Variants in CDH20 observed in about 807,000 individuals in gnomAD.
CDH20 encodes the protein cadherin-20.
In CDH20, 29 loss-of-function variants were observed where a neutral mutation model predicts 74.2. The observed-to-expected ratio is 0.39, with a 90% confidence interval of 0.29 to 0.53. The LOEUF is 0.53. Among genes scored for constraint, CDH20 ranks in the 20% least tolerant of loss-of-function variants. The probability of loss-of-function intolerance (pLI) is 0.69; values close to 1 mark genes in which losing one functional copy is unlikely to be tolerated. For synonymous variants in CDH20, 469 were observed against 405.4 expected (o/e 1.16, Z -1.88); for missense variants, 988 against 1,048.3 (o/e 0.94, Z 0.79).
intron 1 of CDH20, among the ~76,000 whole-genome samples, chr18:61,425,756 G>A (rs1913048845): frequency 6.6e-6 from 1 of 152,094 alleles, no homozygotes; most frequent in Non-Finnish European, 1.5e-5. Context: ...AGCATATACT[G>A]CTCAGATGAC....
chr18:61,352,101 T>C (rs1910324765), intron 1 of CDH20, among the ~76,000 whole-genome samples: 1 of 152,208 alleles, frequency 6.6e-6, no homozygotes, highest in African/African-American at 2.4e-5. Context: ...ATAATCACTG[T>C]GCAAAACTCA....
Position 61,554,765 on chromosome 18 carries a change from G to C in CDH20, c.*70G>C. 1 of 1,475,734 alleles carries C rather than the reference G, an allele frequency of 6.8e-7. No homozygotes were observed. The allele number at this position is 1,475,734 out of a possible 1,614,324, so 91.4% of individuals were successfully genotyped here. The stretch of plus-strand genomic sequence containing the variant: ...GCGGGTGCTTCGCGGACAAGGTGCA[G>C]CCAACCACACGAGCAATACTGTGCT... On this transcript the variant is annotated 3_prime_UTR_variant, in exon 12 of 12. Coordinates refer to ENST00000262717, the MANE Select transcript of CDH20 (RefSeq NM_031891.4).
intron 1 of CDH20, among the ~76,000 whole-genome samples, chr18:61,381,467 C>T (rs2159594): frequency 1.3e-5 from 2 of 151,932 alleles, no homozygotes; most frequent in Admixed American, 6.5e-5. Context: ...CAAAGTTATG[C>T]GACCTCAGGG....
At chr18:61,418,277 G>A (rs551503774) in intron 1 of CDH20, among the ~76,000 whole-genome samples, 2 of 152,162 alleles carry the variant, frequency 1.3e-5, no homozygotes, top group Non-Finnish European at 1.5e-5. Flanking sequence ...CATCCTGGCC[G>A]GGCGTGGTGG....
At chr18:61,346,289 G>C (rs1390387) in intron 1 of CDH20, among the ~76,000 whole-genome samples, 147,867 of 152,294 alleles carry the variant, frequency 0.97, 71,930 homozygotes, top group Middle Eastern at 1. Flanking sequence ...ACTTCCTTCC[G>C]CACCTTGACC....
chr18:61,513,567 G>A (rs1333531098), intron 6 of CDH20, among the ~76,000 whole-genome samples: 2 of 150,694 alleles, frequency 1.3e-5, no homozygotes, highest in African/African-American at 2.4e-5. Flanking sequence ...TATTTTGCTC[G>A]TTAGTTGATG....
At chr18:61,426,759 C>T (rs1913083991) in intron 1 of CDH20, among the ~76,000 whole-genome samples, 1 of 152,190 alleles carries the variant, frequency 6.6e-6, no homozygotes, top group Non-Finnish European at 1.5e-5. Flanking sequence ...TAAACATTTG[C>T]AGTCACTGCT....
chr18:61,472,062 C>T (rs1910200229), intron 1 of CDH20, among the ~76,000 whole-genome samples: 2 of 152,060 alleles, frequency 1.3e-5, no homozygotes, highest in Admixed American at 1.3e-4. Flanking sequence ...TGTTTGATTC[C>T]GTTAAGAAAT....
In CDH20 at chr18:61,353,347, A is replaced by G. The variant is rs1910372569; in HGVS notation, c.-153+19520A>G. 6.6e-6 allele frequency among the ~76,000 whole-genome samples: 1 copy of G among 152,038 alleles called. No individual in the cohort carries two copies. Among genetic ancestry groups the G allele is most frequent in the Non-Finnish European group, 1.5e-5 (1 of 68,002 alleles). ...TCTACATGCTGTTCTCAATCTCTCT[A>G]CATCTGACTACTCATCAAGGCTCAC... is the stretch of plus-strand genomic sequence containing the variant. On this transcript the variant is annotated intron_variant, in intron 1 of 11. Coordinates refer to ENST00000262717, the MANE Select transcript of CDH20 (RefSeq NM_031891.4). The surrounding 1 kb of genome is among the most constrained non-coding windows in gnomAD (Gnocchi z 4.6).
At chr18:61,406,277 T>C (rs1568127267) in intron 1 of CDH20, among the ~76,000 whole-genome samples, 1 of 152,242 alleles carries the variant, frequency 6.6e-6, no homozygotes, top group Non-Finnish European at 1.5e-5. Flanking sequence ...AACTTGTTTG[T>C]TGAGACTTCC....
intron 1 of CDH20, among the ~76,000 whole-genome samples, chr18:61,369,505 G>A (rs1464327365): frequency 2.6e-5 from 4 of 152,108 alleles, no homozygotes; most frequent in Non-Finnish European, 5.9e-5. Context: ...TAAAAGAGGT[G>A]TATATTCCAT....
At chr18:61,338,044 T>C (rs1909815124) in intron 1 of CDH20, among the ~76,000 whole-genome samples, 1 of 152,208 alleles carries the variant, frequency 6.6e-6, no homozygotes, top group Non-Finnish European at 1.5e-5. Flanking sequence ...TTCTCCAAAA[T>C]ATTGTCTGTT....
chr18:61,539,557 A>G (rs1433358479), intron 9 of CDH20, among the ~76,000 whole-genome samples: 1 of 152,206 alleles, frequency 6.6e-6, no homozygotes, highest in East Asian at 1.9e-4. Context: ...GTCCACCTGG[A>G]AACTGAATTG....
chr18:61,519,876 C>T (rs1912130611), intron 6 of CDH20, among the ~76,000 whole-genome samples: 1 of 148,354 alleles, frequency 6.7e-6, no homozygotes, highest in African/African-American at 2.5e-5. Context: ...TCAGGAGACA[C>T]ATCTAACATG....
intron 1 of CDH20, among the ~76,000 whole-genome samples, chr18:61,399,851 A>G (rs997185840): frequency 5.3e-5 from 8 of 152,254 alleles, no homozygotes; most frequent in Non-Finnish European, 1.0e-4. Flanking sequence ...CTCATGTATA[A>G]TGAAATGAAA....
At chr18:61,455,893 T>C (rs2144347959) in intron 1 of CDH20, among the ~76,000 whole-genome samples, 1 of 152,354 alleles carries the variant, frequency 6.6e-6, no homozygotes, top group Non-Finnish European at 1.5e-5. Context: ...TTAATATTTG[T>C]TATCTAAATT....
chr18:61,378,998 G>A (rs1216516975), intron 1 of CDH20, among the ~76,000 whole-genome samples: 3 of 151,932 alleles, frequency 2.0e-5, no homozygotes, highest in Non-Finnish European at 4.4e-5. Context: ...TTTTCGTATA[G>A]TATTAAAGAC....
chr18:61,338,322 C>T (rs934602803), intron 1 of CDH20, among the ~76,000 whole-genome samples: 1 of 151,850 alleles, frequency 6.6e-6, no homozygotes, highest in Non-Finnish European at 1.5e-5. Flanking sequence ...TATTTAATTG[C>T]TATCCATGGT....
intron 6 of CDH20, among the ~76,000 whole-genome samples, chr18:61,526,762 G>A (rs1354373814): frequency 1.3e-5 from 2 of 152,162 alleles, no homozygotes; most frequent in Non-Finnish European, 2.9e-5. Context: ...TATTTTACGC[G>A]ATGGAATTTT....
Sources: allele counts gnomAD v4.1 joint callset (sites outside exome capture counted in the v4.1 genomes callset), GRCh38; gene constraint gnomAD v4.1.1; non-coding constraint Gnocchi (gnomAD v3.1); transcripts MANE v1.5; gene names NCBI Gene and HGNC (gene_info 2026-07-23, HGNC 2026-07-21).